SVEP1: variants seen among roughly 807,000 people sequenced by gnomAD.
SVEP1 encodes sushi, von Willebrand factor type A, EGF and pentraxin domain containing 1.
A neutral mutation model predicts 367.3 loss-of-function variants in SVEP1; 164 were observed. The ratio of observed to expected loss-of-function variants is 0.45; its 90% CI spans 0.39 to 0.51. SVEP1 has a LOEUF of 0.51. Ranked by LOEUF, SVEP1 falls within the 20% of genes least tolerant of loss-of-function variation. The probability of loss-of-function intolerance (pLI) is 0.00; values close to 1 mark genes in which losing one functional copy is unlikely to be tolerated. For missense variants in SVEP1, 4,117 were observed against 4,425.3 expected (o/e 0.93, Z 1.98); for synonymous variants, 1,666 against 1,611.6 (o/e 1.03, Z -0.81).
chr9:110,487,336 T>C (rs898946891), intron 9 of SVEP1, among the ~76,000 whole-genome samples: 5 of 152,202 alleles, frequency 3.3e-5, no homozygotes, highest in African/African-American at 1.2e-4. Context: ...ATGCTGACTC[T>C]TCATTATGAA....
At chr9:110,522,032 C>G (rs561138496) in intron 3 of SVEP1, among the ~76,000 whole-genome samples, 1 of 152,014 alleles carries the variant, frequency 6.6e-6, no homozygotes, top group African/African-American at 2.4e-5. Context: ...TTTAAACTCA[C>G]GAGTCTCTTG....
chr9:110,477,870 TCCTC>T (rs1227096197), intron 13 of SVEP1, among the ~76,000 whole-genome samples: 1 of 152,138 alleles, frequency 6.6e-6, no homozygotes. Context: ...TCCTACCCTC[TCCTC>T]CTAGAGCCCA....
intron 8 of SVEP1, among the ~76,000 whole-genome samples, chr9:110,492,686 G>A (rs535043091): frequency 6.6e-6 from 1 of 152,064 alleles, no homozygotes; most frequent in Admixed American, 6.5e-5. Context: ...CTTCTCCATG[G>A]GGCAAGGAAT....
At chr9:110,385,771 G>T in intron 43 of SVEP1, 127 bp downstream of exon 43, 1 of 994,100 alleles carries the variant, frequency 1.0e-6, no homozygotes, top group Non-Finnish European at 1.4e-6. Flanking sequence ...TAATGAGGAA[G>T]ATGATAACTG....
At chr9:110,373,385 T>C (rs1401510676) in intron 46 of SVEP1, among the ~76,000 whole-genome samples, 1 of 152,222 alleles carries the variant, frequency 6.6e-6, no homozygotes, top group African/African-American at 2.4e-5. Context: ...CTTTTCAGTC[T>C]CATTTCTCTG....
Position 110,579,260 on chromosome 9 carries a change from C to G in SVEP1, c.284G>C (p.Gly95Ala), listed in dbSNP as rs901649784. ...GAGCTCGCTGCGGAAGTTGACTTCGCCCACGCTGGACGAATCATCCACCAG... is the reference window on the plus strand; with the variant it reads ...GAGCTCGCTGCGGAAGTTGACTTCGGCCACGCTGGACGAATCATCCACCAG... ...VFLVDDSSSV[G>A]EVNFRSELMF... The change falls in exon 1 of 48, where the codon GGC becomes GCC. Residue 95 changes from glycine to alanine, a missense_variant. By Grantham distance (60) the Gly-to-Ala change is moderately conservative (BLOSUM62 0). This residue lies in a region of SVEP1 where 161 missense variants were observed against 122.4 expected (regional missense o/e 1.32). Transcript: ENST00000374469. This position sits in a 1 kb window ranked among gnomAD's most constrained non-coding sequence, Gnocchi z 5.3. 1 of 1,571,358 alleles carries G rather than the reference C, an allele frequency of 6.4e-7. No homozygotes were observed. Among genetic ancestry groups the G allele is most frequent in the Non-Finnish European group, 8.6e-7 (1 of 1,159,570 alleles).
chr9:110,462,309 G>A (rs1828869498), intron 18 of SVEP1, among the ~76,000 whole-genome samples: 1 of 151,934 alleles, frequency 6.6e-6, no homozygotes, highest in South Asian at 2.1e-4. Flanking sequence ...ACTCATCATT[G>A]TAATGTCTAT....
chr9:110,386,079 C>T lies in SVEP1; in HGVS notation c.10061-5G>A. 6.3e-7 allele frequency: 1 copy of T among 1,599,352 alleles called. No homozygotes were observed. Among genetic ancestry groups the T allele is most frequent in the Non-Finnish European group, 8.5e-7 (1 of 1,174,034 alleles). ...AAGGAACAGGGCATGGATTTGCTGT[C>T]AAAAAGAAAAGAAAATGCTTACTGA... On this transcript the variant is annotated splice_region_variant and splice_polypyrimidine_tract_variant and intron_variant, in intron 42 of 47. Coordinates refer to ENST00000374469, the MANE Select transcript of SVEP1 (RefSeq NM_153366.4).
rs1350403726 is a variant in SVEP1, at chr9:110,404,680, TC to T, written c.9441-129del. Reference sequence around the variant, plus strand: ...GTGCAACATATTGATTGTTGCACAATCAATATGTCAGGCGGATGGCATTGCC... The same window carrying T: ...GTGCAACATATTGATTGTTGCACAATAATATGTCAGGCGGATGGCATTGCC... On this transcript the variant is annotated intron_variant, in intron 38 of 47. Coordinates refer to ENST00000374469, the MANE Select transcript of SVEP1 (RefSeq NM_153366.4). 22 of 843,420 alleles carry T rather than the reference TC, an allele frequency of 2.6e-5. No homozygotes were observed. The East Asian group carries it at 4.6e-4, about 18-fold the overall frequency. 52.2% of individuals were successfully genotyped at this position (843,420 alleles called of 1,614,324 possible). A position where few individuals can be genotyped will look rare whatever the true frequency, so the allele number is the denominator to read the frequency against.
Position 110,503,177 on chromosome 9 carries a change from G to A in SVEP1, c.1344C>T (p.His448=), listed in dbSNP as rs369078161. 8.2e-5 allele frequency: 132 copies of A among 1,613,834 alleles called. No individual in the cohort carries two copies. The African/African-American group carries it at 1.6e-3, about 20-fold the overall frequency. ...ACATTTCCCTTGTAGAACAGCTGAT[G>A]TGGCCATGTTTCGGCTGGCGGAGAT... ...CPHLRQPKHG[H]ISCSTREMLY... Residue 448 remains histidine (H), a synonymous_variant, in exon 6 of 48, where the codon CAC becomes CAT. Coordinates refer to ENST00000374469, the MANE Select transcript of SVEP1 (RefSeq NM_153366.4).
chr9:110,533,010 T>C (rs1353411141), intron 3 of SVEP1, among the ~76,000 whole-genome samples: 1 of 152,116 alleles, frequency 6.6e-6, no homozygotes, highest in Non-Finnish European at 1.5e-5. Context: ...TGGCATTAGA[T>C]TCTCATAAGC....
intron 22 of SVEP1, among the ~76,000 whole-genome samples, chr9:110,452,009 CA>C: frequency 6.6e-6 from 1 of 152,278 alleles, no homozygotes; most frequent in South Asian, 2.1e-4. Context: ...CATAAATCTT[CA>C]TGTTCAAGAA....
chr9:110,521,980 T>C (rs1021624028), intron 3 of SVEP1, among the ~76,000 whole-genome samples: 19 of 152,286 alleles, frequency 1.2e-4, no homozygotes, highest in Admixed American at 9.8e-4. Context: ...AAATATTTGA[T>C]CCATTTTTTA....
chr9:110,373,658 C>T (rs7870870), intron 46 of SVEP1, among the ~76,000 whole-genome samples: 95,120 of 151,014 alleles, frequency 0.63, 30,660 homozygotes, highest in Middle Eastern at 0.72. Flanking sequence ...TTTTAGGACA[C>T]TAGAAGGTAG....
chr9:110,487,904 CA>C (rs1236885781), intron 9 of SVEP1, among the ~76,000 whole-genome samples: 4 of 152,190 alleles, frequency 2.6e-5, no homozygotes, highest in African/African-American at 9.7e-5. Context: ...AGCTTGGGTT[CA>C]GAGTCCATGC....
intron 9 of SVEP1, among the ~76,000 whole-genome samples, chr9:110,485,195 C>A (rs576256887): frequency 3.5e-4 from 53 of 152,218 alleles, no homozygotes; most frequent in African/African-American, 1.2e-3. Flanking sequence ...AAATGCCCAC[C>A]AATGATAAAC....
rs867079043 is a variant in SVEP1, at chr9:110,390,324, C to A, written c.9823-737G>T. 7.4e-3 allele frequency among the ~76,000 whole-genome samples: 517 copies of A among 70,192 alleles called. 29 individuals are homozygous for A. The highest frequency in any genetic ancestry group is 0.026 in the African/African-American group (472 of 18,278). 46.0% of individuals were successfully genotyped at this position (70,192 alleles called of 152,430 possible). On this transcript the variant is annotated intron_variant, in intron 40 of 47. Coordinates refer to ENST00000374469, the MANE Select transcript of SVEP1 (RefSeq NM_153366.4). ...ACTTATATAAGTATGTGTATATATA[C>A]TTATATATACACATACTTATATACA... is the stretch of plus-strand genomic sequence containing the variant.
Position 110,411,319 on chromosome 9 carries a change from T to C in SVEP1, c.6392A>G (p.Gln2131Arg). The C allele has an allele frequency of 6.2e-7, 1 of 1,614,062 alleles. No homozygotes were observed. Among genetic ancestry groups the C allele is most frequent in the Non-Finnish European group, 8.5e-7 (1 of 1,179,906 alleles). Residue 2131 changes from glutamine to arginine, a missense_variant, in exon 37 of 48, where the codon CAG becomes CGG. Gln to Arg is a conservative substitution (Grantham distance 43, BLOSUM62 1). This residue lies in a region of SVEP1 where 1,765 missense variants were observed against 1,781.1 expected (regional missense o/e 0.99). Transcript: ENST00000374469. ...GATGGACATGGGGGAAGGGTTCCAC[T>C]GCCCACCTCTCATACATTCAATCTT... is the stretch of plus-strand genomic sequence containing the variant. ...SAKIECMRGG[Q>R]WNPSPMSIQC...
At chr9:110,506,783 C>T (rs1419191637) in intron 5 of SVEP1, among the ~76,000 whole-genome samples, 1 of 150,806 alleles carries the variant, frequency 6.6e-6, no homozygotes, top group Non-Finnish European at 1.5e-5. Context: ...AAGGAAAAGT[C>T]GTGAAGAAGG....
Sources: allele counts gnomAD v4.1 joint callset (sites outside exome capture counted in the v4.1 genomes callset), GRCh38; gene constraint gnomAD v4.1.1; regional missense constraint gnomAD v4.1.1; non-coding constraint Gnocchi (gnomAD v3.1); transcripts MANE v1.5; gene names NCBI Gene and HGNC (gene_info 2026-07-23, HGNC 2026-07-21).